PDE1A: variants seen among roughly 807,000 people sequenced by gnomAD.
The protein encoded by PDE1A is phosphodiesterase 1A, also known as dual specificity calcium/calmodulin-dependent 3',5'-cyclic nucleotide phosphodiesterase 1A.
In PDE1A, 35 loss-of-function variants were observed where a neutral mutation model predicts 61.7. The ratio of observed to expected loss-of-function variants is 0.57; its 90% CI spans 0.43 to 0.75. The LOEUF (loss-of-function observed/expected upper bound fraction) is 0.75, where lower values mean the gene tolerates loss of function less well. Ranked by LOEUF, PDE1A falls within the 30% of genes least tolerant of loss-of-function variation. PDE1A has a pLI of 0.00. For synonymous variants in PDE1A, 232 were observed against 213.2 expected, an observed-to-expected ratio of 1.09 and a Z score of -0.77; for missense variants, 597 against 630.6, an observed-to-expected ratio of 0.95 and a Z score of 0.57.
At chr2:182,143,225 G>C (rs889144989), downstream of PDE1A, among the ~76,000 whole-genome samples, 1 of 152,072 alleles carries the variant, frequency 6.6e-6, no homozygotes, top group Non-Finnish European at 1.5e-5. Context: ...TGCTAAGAGA[G>C]ATTTTAAATG....
At chr2:182,431,550 T>C (rs919613101), upstream of PDE1A, among the ~76,000 whole-genome samples, 1 of 152,154 alleles carries the variant, frequency 6.6e-6, no homozygotes, top group Admixed American at 6.6e-5. Context: ...TGAGTGACAG[T>C]AGAATCATTT....
exon 6 of PDE1A, chr2:182,230,131 G>A (rs1483428151): frequency 2.5e-6 from 4 of 1,611,592 alleles, no homozygotes; most frequent in Admixed American, 1.7e-5. Flanking sequence ...AAGGTGATTA[G>A]GCAAGAAACA....
chr2:182,593,353 T>C, the PDE1A span, among the ~76,000 whole-genome samples: 2 of 152,156 alleles, frequency 1.3e-5, no homozygotes, highest in Non-Finnish European at 2.9e-5. Context: ...TACTAAAGAA[T>C]CAGAGAACAG....
the PDE1A span, among the ~76,000 whole-genome samples, chr2:182,534,422 T>C: frequency 6.6e-6 from 1 of 152,030 alleles, no homozygotes; most frequent in Non-Finnish European, 1.5e-5. Flanking sequence ...TTTACTCCAA[T>C]TTATTTCCTA....
At chr2:182,221,032 T>A (rs190023773) in intron 7 of PDE1A, among the ~76,000 whole-genome samples, 1 of 152,068 alleles carries the variant, frequency 6.6e-6, no homozygotes, top group African/African-American at 2.4e-5. Flanking sequence ...AAATATAAAT[T>A]GAAAAAAACA....
intron 1 of PDE1A, among the ~76,000 whole-genome samples, chr2:182,369,698 C>T (rs1700023518): frequency 6.6e-6 from 1 of 151,948 alleles, no homozygotes. Flanking sequence ...TCAGGTAATG[C>T]CTTCAGACCT....
intron 2 of PDE1A, among the ~76,000 whole-genome samples, chr2:182,468,531 T>C (rs1559490873): frequency 6.6e-6 from 1 of 151,964 alleles, no homozygotes; most frequent in Non-Finnish European, 1.5e-5. Context: ...CTTTCTCCAC[T>C]AATGTCTTAA....
the PDE1A span, among the ~76,000 whole-genome samples, chr2:182,673,165 T>A: frequency 1.3e-5 from 2 of 152,228 alleles, no homozygotes; most frequent in Non-Finnish European, 2.9e-5. Flanking sequence ...ACATGCCATT[T>A]TAAACATATC....
At chr2:182,560,726 T>C in the PDE1A span, among the ~76,000 whole-genome samples, 1 of 152,102 alleles carries the variant, frequency 6.6e-6, no homozygotes, top group Non-Finnish European at 1.5e-5. Context: ...CCAGCATCTG[T>C]TGTTTCCTGA....
chr2:182,147,455 T>G (rs1690556101), intron 13 of PDE1A, among the ~76,000 whole-genome samples: 1 of 152,206 alleles, frequency 6.6e-6, no homozygotes, highest in South Asian at 2.1e-4. Flanking sequence ...AAATCATGTT[T>G]TTTCTGAATA....
chr2:182,248,678 A>G (rs1366651125), intron 2 of PDE1A, among the ~76,000 whole-genome samples: 1 of 152,164 alleles, frequency 6.6e-6, no homozygotes, highest in Non-Finnish European at 1.5e-5. Flanking sequence ...CAGTGAAAAT[A>G]TTTCTGTCCA....
At chr2:182,194,969 C>G (rs1188001383) in intron 10 of PDE1A, among the ~76,000 whole-genome samples, 1 of 145,228 alleles carries the variant, frequency 6.9e-6, no homozygotes, top group Non-Finnish European at 1.5e-5. Flanking sequence ...TCAGCTCTTT[C>G]CTTTGCTACT....
intron 1 of PDE1A, among the ~76,000 whole-genome samples, chr2:182,279,224 C>T (rs72897058): frequency 0.11 from 16,898 of 151,876 alleles, 1,306 homozygotes; most frequent in East Asian, 0.32. Flanking sequence ...TTTTCAACAA[C>T]GGTCTGTAGT....
the PDE1A span, among the ~76,000 whole-genome samples, chr2:182,620,256 T>A: frequency 6.6e-6 from 1 of 152,222 alleles, no homozygotes; most frequent in Admixed American, 6.5e-5. Context: ...CATTTCTATA[T>A]TAATATGAAT....
At chr2:182,563,985 T>A in the PDE1A span, among the ~76,000 whole-genome samples, 4 of 152,156 alleles carry the variant, frequency 2.6e-5, no homozygotes, top group South Asian at 6.2e-4. Flanking sequence ...TACAGCACAC[T>A]GATGGGTCTT....
intron 1 of PDE1A, among the ~76,000 whole-genome samples, chr2:182,397,328 T>C (rs1160174174): frequency 1.3e-5 from 2 of 152,142 alleles, no homozygotes; most frequent in African/African-American, 4.8e-5. Flanking sequence ...CAGTTCAATA[T>C]TGGCAATTTC....
At chr2:182,608,332 G>T in the PDE1A span, among the ~76,000 whole-genome samples, 3 of 152,220 alleles carry the variant, frequency 2.0e-5, no homozygotes, top group Non-Finnish European at 4.4e-5. Context: ...TGACACCCGG[G>T]CTCGCTCTCG....
intron 2 of PDE1A, among the ~76,000 whole-genome samples, chr2:182,437,598 T>G (rs1455293420): frequency 6.6e-6 from 1 of 151,884 alleles, no homozygotes; most frequent in African/African-American, 2.4e-5. Flanking sequence ...GATGACAATA[T>G]GGGATAATAT....
chr2:182,561,936 T>C, the PDE1A span, among the ~76,000 whole-genome samples: 3 of 152,152 alleles, frequency 2.0e-5, no homozygotes, highest in Admixed American at 6.5e-5. Flanking sequence ...AAGTTGCTTA[T>C]CAGCTTAAGG....
Sources: gnomAD v4.1 joint callset for allele counts (sites outside exome capture counted in the v4.1 genomes callset) on GRCh38, gnomAD v4.1.1 for gene constraint, MANE v1.5 for transcripts, NCBI Gene and HGNC (gene_info 2026-07-23, HGNC 2026-07-21) for gene names.